Variants in METRNL observed in about 807,000 individuals in gnomAD.
METRNL encodes meteorin-like protein.
In METRNL, 9 loss-of-function variants were observed where a neutral mutation model predicts 17.4. That is an observed-to-expected ratio of 0.52 (90% CI 0.31 to 0.90). The LOEUF (loss-of-function observed/expected upper bound fraction) is 0.90, where lower values mean the gene tolerates loss of function less well. Ranked by LOEUF, METRNL falls within the 40% of genes least tolerant of loss-of-function variation. The pLI, the probability that METRNL is intolerant of heterozygous loss-of-function variation, is 0.05. For missense variants in METRNL, 408 were observed against 430.7 expected (o/e 0.95, Z 0.47); for synonymous variants, 215 against 199.3 (o/e 1.08, Z -0.66).
intron 1 of METRNL, chr17:83,082,096 C>T (rs957578711): frequency 1.0e-6 from 1 of 985,306 alleles, no homozygotes; most frequent in African/African-American, 1.7e-5. Context: ...GATGAAACCT[C>T]CCTTCCGTGG....
At chr17:83,080,869 C>T (rs1311191930) in intron 1 of METRNL, among the ~76,000 whole-genome samples, 2 of 150,454 alleles carry the variant, frequency 1.3e-5, no homozygotes, top group African/African-American at 4.9e-5. Flanking sequence ...CCCCCGCCCC[C>T]GCCCCCGCCC....
rs1025307853 is a variant in METRNL, at chr17:83,082,110, G to C, written c.170+2125G>C. 3.3e-5 allele frequency: 33 copies of C among 985,328 alleles called. No individual in the cohort carries two copies. The African/African-American group carries it at 5.6e-4, about 17-fold the overall frequency. The allele number at this position is 985,328 out of a possible 1,614,324, so 61.0% of individuals were successfully genotyped here. A position where few individuals can be genotyped will look rare whatever the true frequency, so the allele number is the denominator to read the frequency against. On this transcript the variant is annotated intron_variant, in intron 1 of 3. Transcript: ENST00000320095. ...TGATGAAACCTCCCTTCCGTGGGGGGAGGCGGGACCAGCGCCCCGTCTTTA... is the reference window on the plus strand; with the variant it reads ...TGATGAAACCTCCCTTCCGTGGGGGCAGGCGGGACCAGCGCCCCGTCTTTA...
intron 2 of METRNL, among the ~76,000 whole-genome samples, chr17:83,087,254 C>T (rs1004866563): frequency 6.6e-6 from 1 of 152,194 alleles, no homozygotes; most frequent in Admixed American, 6.5e-5. Context: ...CCTGCGGCAT[C>T]TGCTTAAACC....
chr17:83,083,528 A>G (rs1600484700), intron 1 of METRNL, among the ~76,000 whole-genome samples: 1 of 152,330 alleles, frequency 6.6e-6, no homozygotes, highest in South Asian at 2.1e-4. Context: ...CACACGTGTT[A>G]GATGAGCTTG....
chr17:83,095,060 C>T lies in METRNL; in HGVS notation c.*485C>T, dbSNP rs1162583854. The T allele has an allele frequency of 6.5e-6, 1 of 153,644 alleles. No homozygotes were observed. The highest frequency in any genetic ancestry group is 2.1e-4 in the South Asian group (1 of 4,848). The allele number at this position is 153,644 out of a possible 1,614,324, so 9.5% of individuals were successfully genotyped here. A position where few individuals can be genotyped will look rare whatever the true frequency, so the allele number is the denominator to read the frequency against. On this transcript the variant is annotated 3_prime_UTR_variant, in exon 4 of 4. Transcript: ENST00000320095. ...TTTCATTTTATTTTTAAAGGATGAGCTTTGGTCCTTTTCAGGCCGCCGGTT... is the reference window on the plus strand; with the variant it reads ...TTTCATTTTATTTTTAAAGGATGAGTTTTGGTCCTTTTCAGGCCGCCGGTT...
intron 3 of METRNL, 36 bp downstream of exon 3, chr17:83,093,262 T>C: frequency 1.3e-6 from 2 of 1,571,224 alleles, no homozygotes; most frequent in Admixed American, 1.7e-5. Context: ...CCTCCTGTGC[T>C]CCTGGTTTCT....
chr17:83,081,160 G>C (rs1163153489), intron 1 of METRNL, among the ~76,000 whole-genome samples: 1 of 151,830 alleles, frequency 6.6e-6, no homozygotes, highest in Admixed American at 6.5e-5. Flanking sequence ...TCGGCCGAGC[G>C]GGGCCGCGGG....
At chr17:83,080,024 C>T (rs939717963) in intron 1 of METRNL, 39 bp downstream of exon 1, 4 of 1,002,556 alleles carry the variant, frequency 4.0e-6, no homozygotes, top group South Asian at 9.0e-5. Context: ...GGCCCCCTCC[C>T]CTCGCGTCCC....
intron 2 of METRNL, among the ~76,000 whole-genome samples, chr17:83,086,052 G>A (rs1186895394): frequency 1.3e-5 from 2 of 152,288 alleles, no homozygotes; most frequent in East Asian, 3.9e-4. Flanking sequence ...TTGGGGGAGA[G>A]GTCCTTCGTG....
rs370479031 is a variant in METRNL at position 83,085,048 on chromosome 17, G to A, written c.281G>A (p.Arg94Gln). ...ACAGGTGCTCTCATCGTTAACCTGC[G>A]GCCCAACACCTTCTCGCCTGCCCGG... ...YPTGALIVNLRPNTFSPARHL... is the reference protein window; with the variant it reads ...YPTGALIVNLQPNTFSPARHL... Residue 94 changes from arginine to glutamine, a missense_variant, in exon 2 of 4, where the codon CGG becomes CAG. By Grantham distance (43) the Arg-to-Gln change is conservative. Coordinates refer to ENST00000320095, the MANE Select transcript of METRNL (RefSeq NM_001004431.3). 11 of 1,613,918 alleles carry A rather than the reference G, an allele frequency of 6.8e-6. No homozygotes were observed. The highest frequency in any genetic ancestry group is 9.3e-6 in the Non-Finnish European group (11 of 1,180,028).
At chr17:83,080,694 C>CG (rs201014210) in intron 1 of METRNL, among the ~76,000 whole-genome samples, 11,285 of 148,870 alleles carry the variant, frequency 0.076, 554 homozygotes, top group African/African-American at 0.13. Flanking sequence ...CGCTCCCACG[C>CG]GAAGCCCAGG....
chr17:83,081,197 C>G (rs942886266), intron 1 of METRNL, among the ~76,000 whole-genome samples: 1 of 151,856 alleles, frequency 6.6e-6, no homozygotes, highest in African/African-American at 2.4e-5. Flanking sequence ...GGGGGTCGGC[C>G]GGGAACGCCG....
chr17:83,089,555 G>T (rs2038092543), intron 2 of METRNL, among the ~76,000 whole-genome samples: 1 of 147,328 alleles, frequency 6.8e-6, no homozygotes. Context: ...CCCTGTTCAT[G>T]CTAGCTCCTG....
intron 2 of METRNL, among the ~76,000 whole-genome samples, chr17:83,086,014 GTCA>G (rs1392188516): frequency 6.6e-6 from 1 of 152,182 alleles, no homozygotes; most frequent in Non-Finnish European, 1.5e-5. Context: ...GAGTGGAGGT[GTCA>G]CGTGGCGTCT....
chr17:83,080,045 G>C (rs187301587), intron 1 of METRNL, 60 bp downstream of exon 1: 46,749 of 981,656 alleles, frequency 0.048, 1,353 homozygotes, highest in East Asian at 0.18. Flanking sequence ...CTCCCGTCCC[G>C]GGCCGGCCGA....
At chr17:83,088,672 G>A (rs1027277105) in intron 2 of METRNL, among the ~76,000 whole-genome samples, 3 of 140,728 alleles carry the variant, frequency 2.1e-5, no homozygotes, top group Admixed American at 6.8e-5. Flanking sequence ...TCTCCAGGAC[G>A]CCGGAGTCCT....
intron 2 of METRNL, among the ~76,000 whole-genome samples, chr17:83,087,970 G>T (rs1230254124): frequency 3.3e-5 from 5 of 152,214 alleles, no homozygotes; most frequent in African/African-American, 1.2e-4. Context: ...CGCTCCGGTG[G>T]GTTTCGTTGG....
intron 1 of METRNL, chr17:83,083,967 G>A (rs892070094): frequency 6.6e-6 from 1 of 152,216 alleles, no homozygotes; most frequent in Non-Finnish European, 1.5e-5. Context: ...TGGCATTTAC[G>A]TTAAAGTGTT....
chr17:83,087,839 G>A (rs1328396148), intron 2 of METRNL, among the ~76,000 whole-genome samples: 1 of 152,118 alleles, frequency 6.6e-6, no homozygotes, highest in Non-Finnish European at 1.5e-5. Context: ...GGACGAGCTC[G>A]TCTGTGTGTC....
Sources: allele counts gnomAD v4.1 joint callset (sites outside exome capture counted in the v4.1 genomes callset), GRCh38; gene constraint gnomAD v4.1.1; transcripts MANE v1.5; gene names NCBI Gene and HGNC (gene_info 2026-07-23, HGNC 2026-07-21).